Variants in LIMCH1 observed in about 807,000 individuals in gnomAD.
The protein encoded by LIMCH1 is LIM and calponin homology domains 1.
LIMCH1 carries 113 observed loss-of-function variants against 176.5 expected under a neutral mutation model. That is an observed-to-expected ratio of 0.64 (90% CI 0.55 to 0.75). The LOEUF (loss-of-function observed/expected upper bound fraction) is 0.75. LIMCH1 is among the 30% of genes least tolerant of loss of function. The pLI, the probability that LIMCH1 is intolerant of heterozygous loss-of-function variation, is 0.00. For missense variants in LIMCH1, 1,674 were observed against 1,814.9 expected (o/e 0.92, Z 1.41); for synonymous variants, 619 against 645.9 (o/e 0.96, Z 0.63).
rs34266308 is a variant in LIMCH1, at chr4:41,627,019, G to GGT, written c.1028+42_1028+43dup. 0.11 allele frequency: 151,465 copies of GGT among 1,324,332 alleles called. 257 individuals are homozygous for GGT. The highest frequency in any genetic ancestry group is 0.22 in the East Asian group (7,760 of 35,994). The allele number at this position is 1,324,332 out of a possible 1,614,324, so 82.0% of individuals were successfully genotyped here. A position where few individuals can be genotyped will look rare whatever the true frequency, so the allele number is the denominator to read the frequency against. ...AGTCTAGAATATAAAAGGTGTGCAT[G>GGT]GTGTGTGTGTGTGTGTGTGTGTGTG... On this transcript the variant is annotated intron_variant, in intron 8 of 31. Transcript: ENST00000503057.
intron 18 of LIMCH1, among the ~76,000 whole-genome samples, chr4:41,655,654 C>A (rs77185559): frequency 6.6e-6 from 1 of 151,970 alleles, no homozygotes; most frequent in Non-Finnish European, 1.5e-5. Flanking sequence ...CAGACACTTA[C>A]ATGATTCTTC....
intron 1 of LIMCH1, among the ~76,000 whole-genome samples, chr4:41,414,001 A>C (rs754219529): frequency 1.3e-5 from 2 of 152,228 alleles, no homozygotes; most frequent in Non-Finnish European, 2.9e-5. Context: ...AAATATCATT[A>C]GAGGGTAATA....
chr4:41,652,014 A>G (rs1452161781), intron 18 of LIMCH1, among the ~76,000 whole-genome samples: 2 of 152,182 alleles, frequency 1.3e-5, no homozygotes, highest in African/African-American at 4.8e-5. Context: ...TACTCACCAG[A>G]GGCTGAGTTT....
At chr4:41,500,251 A>G (rs540629890) in intron 2 of LIMCH1, among the ~76,000 whole-genome samples, 57 of 152,244 alleles carry the variant, frequency 3.7e-4, no homozygotes, top group Non-Finnish European at 2.8e-4. Context: ...TTTAGTATCT[A>G]TTGATGATAC....
At chr4:41,557,421 G>A (rs1056715278) in intron 1 of LIMCH1, among the ~76,000 whole-genome samples, 15 of 152,054 alleles carry the variant, frequency 9.9e-5, no homozygotes, top group Non-Finnish European at 1.5e-5. Flanking sequence ...TACAAGAATC[G>A]ATGGAAGAGA....
chr4:41,666,811 A>C, intron 21 of LIMCH1, 145 bp downstream of exon 21: 1 of 618,162 alleles, frequency 1.6e-6, no homozygotes. Context: ...AGCTGAATTT[A>C]TGACTTCAGA....
chr4:41,609,347 G>A (rs1466349386), intron 4 of LIMCH1, among the ~76,000 whole-genome samples: 1 of 151,962 alleles, frequency 6.6e-6, no homozygotes, highest in Admixed American at 6.6e-5. Flanking sequence ...ATGAAGACAG[G>A]GTATTTGTTG....
At chr4:41,628,110 C>T (rs1279675858) in intron 8 of LIMCH1, among the ~76,000 whole-genome samples, 1 of 152,160 alleles carries the variant, frequency 6.6e-6, no homozygotes, top group African/African-American at 2.4e-5. Flanking sequence ...TTGGTCTTTG[C>T]CATTGCTGTT....
intron 1 of LIMCH1, among the ~76,000 whole-genome samples, chr4:41,472,299 T>C (rs2067080116): frequency 6.6e-6 from 1 of 152,174 alleles, no homozygotes; most frequent in East Asian, 1.9e-4. Context: ...TTTTGCCAAC[T>C]CTGCAGAAAG....
At chr4:41,576,744 T>G (rs897140641) in intron 1 of LIMCH1, among the ~76,000 whole-genome samples, 2 of 152,178 alleles carry the variant, frequency 1.3e-5, no homozygotes, top group African/African-American at 4.8e-5. Context: ...GAGTGTAGTC[T>G]TACTATGGAA....
At chr4:41,465,952 C>G (rs2066044877) in intron 1 of LIMCH1, among the ~76,000 whole-genome samples, 1 of 139,672 alleles carries the variant, frequency 7.2e-6, no homozygotes, top group Non-Finnish European at 1.5e-5. Context: ...TACTGTTTGG[C>G]TCTTTTTTTT....
chr4:41,523,618 A>G (rs2076333740), intron 2 of LIMCH1, among the ~76,000 whole-genome samples: 1 of 152,180 alleles, frequency 6.6e-6, no homozygotes, highest in East Asian at 1.9e-4. Flanking sequence ...CTACTTTGCA[A>G]ATACTACACT....
chr4:41,687,844 A>T lies in LIMCH1; in HGVS notation c.4093A>T (p.Ser1365Cys), dbSNP rs199974810. The T allele has an allele frequency of 1.2e-6, 2 of 1,612,334 alleles. No homozygotes were observed. Among genetic ancestry groups the T allele is most frequent in the Non-Finnish European group, 8.5e-7 (1 of 1,178,802 alleles). The change falls in exon 29 of 32, where the codon AGT becomes TGT. Residue 1365 changes from serine (S) to cysteine (C), a missense_variant. Ser to Cys is a moderately radical substitution (Grantham distance 112). Transcript: ENST00000503057. ...GACTCCTTTACCACATTACAGGAAA[A>T]GTCCCCGAGAGCACTTCCAGGCTGG... ...IESPSERRKK[S>C]PREHFQAGPF...
At chr4:41,501,281 A>G (rs912605919) in intron 2 of LIMCH1, among the ~76,000 whole-genome samples, 9 of 152,198 alleles carry the variant, frequency 5.9e-5, no homozygotes, top group Non-Finnish European at 1.2e-4. Flanking sequence ...GTGGCTTACC[A>G]TTTTCTATCT....
intron 1 of LIMCH1, among the ~76,000 whole-genome samples, chr4:41,597,462 C>A (rs773638471): frequency 1.3e-5 from 2 of 152,152 alleles, no homozygotes; most frequent in African/African-American, 4.8e-5. Flanking sequence ...TTTATTACTG[C>A]ATACAACCTA....
intron 1 of LIMCH1, among the ~76,000 whole-genome samples, chr4:41,411,956 CAAAAAAAAAAAAAA>C (rs61054692): frequency 1.3e-4 from 5 of 38,552 alleles, no homozygotes; most frequent in Non-Finnish European, 1.7e-4. Flanking sequence ...GACTCCATCT[CAAAAAAAAAAAAAA>C]AAAAAAAAAA....
At chr4:41,643,195 G>A (rs994902904) in intron 14 of LIMCH1, among the ~76,000 whole-genome samples, 7 of 152,200 alleles carry the variant, frequency 4.6e-5, no homozygotes, top group African/African-American at 1.7e-4. Flanking sequence ...CTTCCAGACA[G>A]CTGCCTGCTA....
rs191962402 is a variant in LIMCH1, at chr4:41,590,489, T to A, written c.-240-8431T>A. Among the ~76,000 whole-genome samples the A allele has an allele frequency of 7.9e-5, 12 of 152,230 alleles. No homozygotes were observed. In the East Asian group the frequency reaches 2.1e-3, roughly 27 times the overall value. On this transcript the variant is annotated intron_variant, in intron 1 of 31. Coordinates refer to ENST00000503057, the MANE Select transcript of LIMCH1 (RefSeq NM_001330672.2). ...CAAAACAAAGCTAGGATCCCAGGAC[T>A]CCTGTTCTCATGAGCTGGTCTGGCT... is the stretch of plus-strand genomic sequence containing the variant.
rs187295974 is a variant in LIMCH1, at chr4:41,465,769, C to T, written c.97-28767C>T. Among the ~76,000 whole-genome samples, 58 of 152,280 alleles carry T rather than the reference C, an allele frequency of 3.8e-4. No individual in the cohort carries two copies. The East Asian group carries it at 9.1e-3, about 24-fold the overall frequency. On this transcript the variant is annotated intron_variant, in intron 1 of 26. Transcript: ENST00000313860. ...TACATGTAGAAAATGTGAAGGCTTC[C>T]TTCCCTATAGAATAGATGTAAGCCA...
Sources: allele counts gnomAD v4.1 joint callset (sites outside exome capture counted in the v4.1 genomes callset), GRCh38; gene constraint gnomAD v4.1.1; transcripts MANE v1.5; gene names NCBI Gene and HGNC (gene_info 2026-07-23, HGNC 2026-07-21).